Variants in DEPTOR observed in about 807,000 individuals in gnomAD.
DEPTOR encodes DEP domain containing MTOR interacting protein.
In DEPTOR, 41 loss-of-function variants were observed where a neutral mutation model predicts 41.6. The ratio of observed to expected loss-of-function variants is 0.98; its 90% confidence interval spans 0.77 to 1.28. The LOEUF is 1.28. Among genes scored for constraint, DEPTOR ranks in the 50% most tolerant of loss-of-function variants. The pLI, the probability that DEPTOR is intolerant of heterozygous loss-of-function variation, is 0.00. For missense variants in DEPTOR, 514 were observed against 527.9 expected (o/e 0.97, Z 0.26); for synonymous variants, 195 against 192.3 (o/e 1.01, Z -0.12).
At chr8:119,993,982 A>C (rs10113419) in intron 4 of DEPTOR, among the ~76,000 whole-genome samples, 103,965 of 151,526 alleles carry the variant, frequency 0.69, 35,899 homozygotes, top group Middle Eastern at 0.79. Flanking sequence ...CACGGTGAAA[A>C]CCCATCTCTA....
At chr8:120,033,017 G>T (rs1812915436) in intron 8 of DEPTOR, among the ~76,000 whole-genome samples, 1 of 151,628 alleles carries the variant, frequency 6.6e-6, no homozygotes, top group Admixed American at 6.6e-5. Flanking sequence ...AGGATGGGCT[G>T]ATAAGGGGGC....
chr8:119,963,702 A>G (rs930203980), intron 3 of DEPTOR, among the ~76,000 whole-genome samples: 28 of 152,124 alleles, frequency 1.8e-4, no homozygotes, highest in African/African-American at 5.3e-4. Flanking sequence ...TTTGTGTTAC[A>G]TTGCATCATA....
At chr8:119,965,094 A>T in intron 3 of DEPTOR, 138 bp from the exon 4 acceptor site, 1 of 926,706 alleles carries the variant, frequency 1.1e-6, no homozygotes, top group Non-Finnish European at 1.6e-6. Context: ...AAAAGAAATT[A>T]CATGTGTGGT....
chr8:119,998,457 A>G (rs76853841), intron 4 of DEPTOR, among the ~76,000 whole-genome samples: 2,295 of 152,094 alleles, frequency 0.015, 28 homozygotes, highest in Admixed American at 0.025. Context: ...TGCTAATTAG[A>G]TATTTGTGTG....
chr8:119,989,052 T>C (rs182667956), intron 4 of DEPTOR, among the ~76,000 whole-genome samples: 62 of 150,198 alleles, frequency 4.1e-4, no homozygotes, highest in Non-Finnish European at 7.2e-4. Context: ...CTGCCTACCT[T>C]GGACTCCCAA....
At chr8:119,883,751 C>G (rs1018164821) in intron 1 of DEPTOR, among the ~76,000 whole-genome samples, 2 of 152,132 alleles carry the variant, frequency 1.3e-5, no homozygotes, top group African/African-American at 2.4e-5. Flanking sequence ...ATACTTTTAC[C>G]TACAGATTTT....
intron 2 of DEPTOR, among the ~76,000 whole-genome samples, chr8:119,929,171 A>G (rs1300793192): frequency 1.3e-5 from 2 of 152,170 alleles, no homozygotes; most frequent in African/African-American, 4.8e-5. Context: ...AGTGGGTTCA[A>G]TGAAGATTCA....
intron 4 of DEPTOR, among the ~76,000 whole-genome samples, chr8:119,978,040 T>C (rs1028135539): frequency 6.6e-6 from 1 of 152,180 alleles, no homozygotes; most frequent in Non-Finnish European, 1.5e-5. Flanking sequence ...GTCCATTGTA[T>C]ATAAACTGCT....
intron 1 of DEPTOR, among the ~76,000 whole-genome samples, chr8:119,889,666 G>C (rs1327476854): frequency 9.2e-6 from 1 of 108,862 alleles, no homozygotes; most frequent in Non-Finnish European, 2.0e-5. Context: ...GAGGGGAGGG[G>C]AGGGGAGAGG....
At chr8:119,875,180 C>T (rs907947660) in intron 1 of DEPTOR, among the ~76,000 whole-genome samples, 7 of 152,114 alleles carry the variant, frequency 4.6e-5, no homozygotes, top group African/African-American at 1.7e-4. Context: ...CTAATGAAAC[C>T]TGTCACGCGG....
rs557005370 is a variant in DEPTOR, at chr8:119,922,176, T to C, written c.123-6224T>C. Among the ~76,000 whole-genome samples, 11 of 150,952 alleles carry C rather than the reference T, an allele frequency of 7.3e-5. No individual in the cohort carries two copies. In the South Asian group the frequency reaches 2.3e-3, roughly 32 times the overall value. On this transcript the variant is annotated intron_variant, in intron 1 of 8. Coordinates refer to ENST00000286234, the MANE Select transcript of DEPTOR (RefSeq NM_022783.4). ...ATTGCTTGAATCCAGGAGGTGGAGG[T>C]TGCAGTGAGCCAAGATGGCGCCATT...
At chr8:119,985,160 G>A (rs1563582471) in intron 4 of DEPTOR, among the ~76,000 whole-genome samples, 1 of 152,140 alleles carries the variant, frequency 6.6e-6, no homozygotes, top group African/African-American at 2.4e-5. Context: ...GCAACAGCAT[G>A]AGACTCTGTC....
Position 119,929,807 on chromosome 8 carries a change from TG to T in DEPTOR, c.302-7del. ...CTCATTTGCTTCTCTGTGCATATTG[TG>T]TTTCAGTGTGTGATGAGCATAAGGA... is the stretch of plus-strand genomic sequence containing the variant. On this transcript the variant is annotated splice_polypyrimidine_tract_variant and splice_region_variant and intron_variant, in intron 2 of 8. Coordinates refer to ENST00000286234, the MANE Select transcript of DEPTOR (RefSeq NM_022783.4). 6.2e-7 allele frequency: 1 copy of T among 1,602,816 alleles called. No individual in the cohort carries two copies.
intron 4 of DEPTOR, among the ~76,000 whole-genome samples, chr8:119,990,347 C>T (rs994602628): frequency 6.6e-6 from 1 of 152,002 alleles, no homozygotes; most frequent in Non-Finnish European, 1.5e-5. Flanking sequence ...TTAGTAGAGA[C>T]GGGGTTTCAT....
chr8:119,894,318 G>A lies in DEPTOR; in HGVS notation c.122+20350G>A, dbSNP rs574655851. The stretch of plus-strand genomic sequence containing the variant: ...TGGGCTCAAGCGAGCCTCCCACGTC[G>A]GCCTCCCAAGGTGCTGGGATTATGT... On this transcript the variant is annotated intron_variant, in intron 1 of 8. Coordinates refer to ENST00000286234, the MANE Select transcript of DEPTOR (RefSeq NM_022783.4). 7.9e-5 allele frequency among the ~76,000 whole-genome samples: 12 copies of A among 152,126 alleles called. 1 individual carries two copies. Among genetic ancestry groups the A allele is most frequent in the East Asian group, 1.9e-4 (1 of 5,186 alleles).
intron 1 of DEPTOR, among the ~76,000 whole-genome samples, chr8:119,902,690 G>A (rs572710404): frequency 3.3e-5 from 5 of 152,214 alleles, no homozygotes; most frequent in Non-Finnish European, 5.9e-5. Context: ...GCTTATGCTC[G>A]AAAGAGGACA....
chr8:119,895,768 G>T (rs563704398), intron 1 of DEPTOR, among the ~76,000 whole-genome samples: 4 of 152,160 alleles, frequency 2.6e-5, no homozygotes, highest in African/African-American at 4.8e-5. Context: ...CCAAGGTGAG[G>T]TATGGTGTCC....
At chr8:120,025,592 A>G (rs755783480) in intron 8 of DEPTOR, among the ~76,000 whole-genome samples, 1 of 152,076 alleles carries the variant, frequency 6.6e-6, no homozygotes, top group Non-Finnish European at 1.5e-5. Context: ...AGTAAATATC[A>G]TTGCCATCCA....
chr8:119,975,193 C>A, intron 4 of DEPTOR, among the ~76,000 whole-genome samples: 1 of 151,618 alleles, frequency 6.6e-6, no homozygotes, highest in East Asian at 1.9e-4. Flanking sequence ...TACAGATGTA[C>A]ATTTTTGAAA....
Sources: gnomAD v4.1 joint callset for allele counts (sites outside exome capture counted in the v4.1 genomes callset) on GRCh38, gnomAD v4.1.1 for gene constraint, MANE v1.5 for transcripts, NCBI Gene and HGNC (gene_info 2026-07-23, HGNC 2026-07-21) for gene names.